Variants in CNTNAP5 observed in about 807,000 individuals in gnomAD.
CNTNAP5 encodes contactin-associated protein-like 5.
Under a neutral mutation model 150.2 loss-of-function variants are expected in CNTNAP5, and 72 were observed. That is an observed-to-expected ratio of 0.48 (90% CI 0.40 to 0.58). The LOEUF (loss-of-function observed/expected upper bound fraction) is 0.58. Ranked by LOEUF, CNTNAP5 falls within the 20% of genes least tolerant of loss-of-function variation. The probability of loss-of-function intolerance (pLI) is 0.00; values close to 1 mark genes in which losing one functional copy is unlikely to be tolerated. For missense variants in CNTNAP5, 1,636 were observed against 1,626.2 expected (o/e 1.01, Z -0.10); for synonymous variants, 672 against 619.8 (o/e 1.08, Z -1.25).
chr2:124,368,593 G>A (rs77487944), intron 3 of CNTNAP5, among the ~76,000 whole-genome samples: 2 of 152,138 alleles, frequency 1.3e-5, no homozygotes, highest in African/African-American at 2.4e-5. Flanking sequence ...CAGTAGAAGG[G>A]TGGAATATCA....
chr2:124,282,150 A>T lies in CNTNAP5; in HGVS notation c.381+39757A>T, dbSNP rs897430925. 5.3e-5 allele frequency among the ~76,000 whole-genome samples: 8 copies of T among 152,144 alleles called. No homozygotes were observed. In the East Asian group the frequency reaches 1.5e-3, roughly 29 times the overall value. ...CATAGGCACCCAAAAAGGGCAAAGCATTACTGATGGTAAAACAAAGGGCTT... is the reference window on the plus strand; with the variant it reads ...CATAGGCACCCAAAAAGGGCAAAGCTTTACTGATGGTAAAACAAAGGGCTT... On this transcript the variant is annotated intron_variant, in intron 3 of 23. Coordinates refer to ENST00000682447, the MANE Select transcript of CNTNAP5 (RefSeq NM_001367498.1).
chr2:124,307,243 CAG>C (rs1688715497), intron 3 of CNTNAP5, among the ~76,000 whole-genome samples: 1 of 152,066 alleles, frequency 6.6e-6, no homozygotes, highest in South Asian at 2.1e-4. Context: ...CTTGGTGAGA[CAG>C]AGAGAAAGAG....
intron 11 of CNTNAP5, among the ~76,000 whole-genome samples, chr2:124,582,459 G>A (rs1696437350): frequency 6.6e-6 from 1 of 152,196 alleles, no homozygotes; most frequent in Non-Finnish European, 1.5e-5. Context: ...TCAGAGCCTA[G>A]AAGTCAAAAG....
intron 1 of CNTNAP5, among the ~76,000 whole-genome samples, chr2:124,212,814 C>T (rs764014153): frequency 2.6e-4 from 38 of 147,212 alleles, no homozygotes; most frequent in African/African-American, 8.9e-4. Flanking sequence ...TGGGACCTAC[C>T]ATGTGTAGAT....
chr2:124,285,378 A>G (rs2104627746), intron 3 of CNTNAP5, among the ~76,000 whole-genome samples: 1 of 152,284 alleles, frequency 6.6e-6, no homozygotes, highest in South Asian at 2.1e-4. Flanking sequence ...TATACTATGT[A>G]ATGCATACAT....
At chr2:124,539,590 C>T (rs928214593) in intron 10 of CNTNAP5, among the ~76,000 whole-genome samples, 9 of 152,152 alleles carry the variant, frequency 5.9e-5, no homozygotes, top group African/African-American at 2.2e-4. Context: ...ATGTAGATAA[C>T]ATGTTATAAC....
chr2:124,860,441 TTCCTTCCTTCTTTCCTTCC>T (rs1311313310), intron 19 of CNTNAP5, among the ~76,000 whole-genome samples: 2 of 132,384 alleles, frequency 1.5e-5, no homozygotes, highest in Non-Finnish European at 3.1e-5. Context: ...CCTTCCTTCC[TTCCTTCCTTCTTTCCTTCC>T]TTCCTTCCTT....
chr2:124,869,102 T>C (rs536505668), intron 20 of CNTNAP5, among the ~76,000 whole-genome samples: 1 of 152,266 alleles, frequency 6.6e-6, no homozygotes, highest in African/African-American at 2.4e-5. Context: ...CAAGATGGGA[T>C]TATCAATCGT....
At chr2:124,441,479 T>C (rs984938902) in intron 5 of CNTNAP5, among the ~76,000 whole-genome samples, 2 of 152,126 alleles carry the variant, frequency 1.3e-5, no homozygotes, top group East Asian at 3.9e-4. Context: ...CTAGATTTTG[T>C]ATTTTTGTCT....
At chr2:124,374,972 C>G (rs953620277) in intron 3 of CNTNAP5, among the ~76,000 whole-genome samples, 1 of 151,984 alleles carries the variant, frequency 6.6e-6, no homozygotes, top group African/African-American at 2.4e-5. Context: ...AATTATAACT[C>G]ATAAATTACA....
intron 1 of CNTNAP5, among the ~76,000 whole-genome samples, chr2:124,197,874 A>G (rs571559468): frequency 1.3e-5 from 2 of 151,904 alleles, no homozygotes; most frequent in Non-Finnish European, 1.5e-5. Flanking sequence ...CCAGCTACTC[A>G]GGAGGCTGAG....
intron 13 of CNTNAP5, among the ~76,000 whole-genome samples, chr2:124,728,194 G>A (rs1680200601): frequency 6.6e-6 from 1 of 151,954 alleles, no homozygotes; most frequent in Non-Finnish European, 1.5e-5. Context: ...TCATTTACTA[G>A]TATTCTATCG....
chr2:124,722,673 T>A (rs1259386221), intron 13 of CNTNAP5, among the ~76,000 whole-genome samples: 1 of 152,144 alleles, frequency 6.6e-6, no homozygotes, highest in African/African-American at 2.4e-5. Flanking sequence ...TAATGGCAGC[T>A]GGGCTGCTGA....
intron 1 of CNTNAP5, among the ~76,000 whole-genome samples, chr2:124,084,199 A>C (rs1339579460): frequency 6.6e-6 from 1 of 151,546 alleles, no homozygotes; most frequent in Non-Finnish European, 1.5e-5. Flanking sequence ...TACAATTTAT[A>C]GTTTTATTTT....
intron 1 of CNTNAP5, among the ~76,000 whole-genome samples, chr2:124,169,266 G>C (rs1386668916): frequency 6.6e-6 from 1 of 152,088 alleles, no homozygotes; most frequent in South Asian, 2.1e-4. Flanking sequence ...GCCTGGGTTA[G>C]GGACTGGCTC....
chr2:124,391,632 A>G (rs867274120), intron 3 of CNTNAP5, among the ~76,000 whole-genome samples: 1 of 152,214 alleles, frequency 6.6e-6, no homozygotes, highest in East Asian at 1.9e-4. Flanking sequence ...AGTCTTGTGA[A>G]TCCAGAGCAC....
chr2:124,818,957 C>T (rs374865045), intron 19 of CNTNAP5, among the ~76,000 whole-genome samples: 1 of 152,104 alleles, frequency 6.6e-6, no homozygotes, highest in Admixed American at 6.6e-5. Context: ...TCTCTATGTG[C>T]AAACCCATTT....
chr2:124,056,551 C>T (rs1450223402), intron 1 of CNTNAP5, among the ~76,000 whole-genome samples: 1 of 152,122 alleles, frequency 6.6e-6, no homozygotes, highest in Non-Finnish European at 1.5e-5. Context: ...GCGGCTGAGG[C>T]AGGAGAATGG....
chr2:124,812,211 T>C (rs1278138577), intron 19 of CNTNAP5, among the ~76,000 whole-genome samples: 1 of 136,940 alleles, frequency 7.3e-6, no homozygotes, highest in African/African-American at 2.7e-5. Flanking sequence ...GATTCTACCC[T>C]TTTTTTAATG....
Sources: gnomAD v4.1 joint callset for allele counts (sites outside exome capture counted in the v4.1 genomes callset) on GRCh38, gnomAD v4.1.1 for gene constraint, MANE v1.5 for transcripts, NCBI Gene and HGNC (gene_info 2026-07-23, HGNC 2026-07-21) for gene names.